The following TSPAN8 variants were observed in gnomAD, a reference collection of about 807,000 sequenced individuals.
TSPAN8 encodes the protein tetraspanin 8, also known as tetraspanin-8.
TSPAN8 carries 21 observed loss-of-function variants against 32.8 expected under a neutral mutation model. The observed-to-expected ratio is 0.64, with a 90% CI of 0.45 to 0.92. TSPAN8 has a LOEUF of 0.92. Ranked by LOEUF, TSPAN8 falls within the 40% of genes least tolerant of loss-of-function variation. TSPAN8 has a pLI of 0.00. For synonymous variants in TSPAN8, 95 were observed against 94.6 expected (o/e 1.00, Z -0.03); for missense variants, 269 against 281.9 (o/e 0.95, Z 0.33).
chr12:71,137,332 C>T (rs1871732763), intron 6 of TSPAN8, among the ~76,000 whole-genome samples: 1 of 152,066 alleles, frequency 6.6e-6, no homozygotes, highest in Non-Finnish European at 1.5e-5. Context: ...TGTGCGGTGG[C>T]TCACCTCTGT....
intron 2 of TSPAN8, among the ~76,000 whole-genome samples, chr12:71,151,542 C>A (rs537872676): frequency 9.2e-5 from 14 of 152,290 alleles, no homozygotes; most frequent in African/African-American, 3.4e-4. Context: ...GGCATTTAAT[C>A]TGTATCCTGA....
intron 7 of TSPAN8, among the ~76,000 whole-genome samples, chr12:71,131,153 C>T (rs1254277184): frequency 1.3e-5 from 2 of 152,114 alleles, no homozygotes; most frequent in Non-Finnish European, 2.9e-5. Flanking sequence ...TAAGTGGAAA[C>T]TATTTTTATT....
At chr12:71,130,084 C>T (rs1267601435) in intron 7 of TSPAN8, among the ~76,000 whole-genome samples, 2 of 151,720 alleles carry the variant, frequency 1.3e-5, no homozygotes, top group Admixed American at 1.3e-4. Flanking sequence ...TCCCAAGTAG[C>T]TGAGACTGCA....
chr12:71,157,572 G>A (rs1187194005), intron 2 of TSPAN8, 47 bp downstream of exon 2: 9 of 1,290,268 alleles, frequency 7.0e-6, no homozygotes, highest in Non-Finnish European at 1.0e-5. Flanking sequence ...TTTATATCAA[G>A]ATCCCCTTTC....
In TSPAN8 at chr12:71,144,164, T is replaced by C. The variant is rs764865860; in HGVS notation, c.110A>G (p.Asn37Ser). Residue 37 changes from asparagine (N) to serine (S), a missense_variant, in exon 3 of 9, where the codon AAT becomes AGT. Coordinates refer to ENST00000247829, the MANE Select transcript of TSPAN8 (RefSeq NM_004616.3). ...LALAIWVRVS[N>S]DSQAIFGSED... ...TTGCATACTTACTGCTTGAGAGTCA[T>C]TGCTTACTCGTACCCATATTGCTAA... The C allele has an allele frequency of 6.8e-6, 11 of 1,611,898 alleles. No individual in the cohort carries two copies. In the African/African-American group the frequency reaches 1.2e-4, roughly 18 times the overall value.
At position 71,125,274 on chromosome 12, in the gene TSPAN8, C is replaced by T; in HGVS notation, c.*60G>A. ...TATAGCACTTACATATTTAAATTTA[C>T]AAAGCCAAAGCAACATTTTAAAGGG... On this transcript the variant is annotated 3_prime_UTR_variant, in exon 9 of 9. Transcript: ENST00000247829. 1 of 1,496,030 alleles carries T rather than the reference C, an allele frequency of 6.7e-7. No homozygotes were observed. Among genetic ancestry groups the T allele is most frequent in the Non-Finnish European group, 9.1e-7 (1 of 1,093,858 alleles). The allele number at this position is 1,496,030 out of a possible 1,614,324, so 92.7% of individuals were successfully genotyped here. A position where few individuals can be genotyped will look rare whatever the true frequency, so the allele number is the denominator to read the frequency against.
intron 6 of TSPAN8, among the ~76,000 whole-genome samples, chr12:71,135,237 G>A (rs567781490): frequency 0.049 from 3,347 of 67,948 alleles, 156 homozygotes; most frequent in East Asian, 0.4. Context: ...AGAAGGAGGA[G>A]GAGGAGGAGG....
At chr12:71,134,045 T>TAAATAATAA (rs1486131288) in intron 6 of TSPAN8, among the ~76,000 whole-genome samples, 18 of 152,220 alleles carry the variant, frequency 1.2e-4, no homozygotes, top group Non-Finnish European at 2.5e-4. Context: ...ATAATAAATG[T>TAAATAATAA]GTAATAAAAT....
At chr12:71,130,174 G>C (rs1327834033) in intron 7 of TSPAN8, among the ~76,000 whole-genome samples, 1 of 151,956 alleles carries the variant, frequency 6.6e-6, no homozygotes, top group Non-Finnish European at 1.5e-5. Context: ...GGCTTGTCTT[G>C]AACTCCCGGG....
intron 2 of TSPAN8, among the ~76,000 whole-genome samples, chr12:71,147,213 G>T (rs1351034204): frequency 6.6e-6 from 1 of 152,176 alleles, no homozygotes; most frequent in Non-Finnish European, 1.5e-5. Flanking sequence ...GGAAAAAAAA[G>T]GGGGCGGGGG....
chr12:71,125,346 G>C lies in TSPAN8; in HGVS notation c.702C>G (p.Ile234Met). The change falls in exon 9 of 9, where the codon ATC becomes ATG. Residue 234 changes from isoleucine to methionine, a missense_variant. Coordinates refer to ENST00000247829, the MANE Select transcript of TSPAN8 (RefSeq NM_004616.3). ...LVFSMVLYCQ[I>M]GNK ...TGCATCCACAGATTCATTTGTTCCC[G>C]ATCTGGCAATACAGGACCATAGAAA... 6.2e-7 allele frequency: 1 copy of C among 1,612,286 alleles called. No homozygotes were observed. The highest frequency in any genetic ancestry group is 8.5e-7 in the Non-Finnish European group (1 of 1,179,272).
At chr12:71,130,776 G>A (rs541921390) in intron 7 of TSPAN8, among the ~76,000 whole-genome samples, 3 of 152,244 alleles carry the variant, frequency 2.0e-5, no homozygotes, top group South Asian at 2.1e-4. Context: ...CATTCATTAT[G>A]TTTCAGGGGT....
chr12:71,150,470 T>C lies in TSPAN8; in HGVS notation c.61-6257A>G, dbSNP rs558559683. ...CCCTTTTGAAATCCTTAATAAAACT[T>C]GCTGGCTTTATGGCTCAGGTGGGCA... On this transcript the variant is annotated intron_variant, in intron 2 of 8. Coordinates refer to ENST00000247829, the MANE Select transcript of TSPAN8 (RefSeq NM_004616.3). Among the ~76,000 whole-genome samples the C allele has an allele frequency of 5.9e-5, 9 of 152,100 alleles. No homozygotes were observed. The South Asian group carries it at 1.0e-3, about 18-fold the overall frequency.
intron 4 of TSPAN8, chr12:71,139,391 A>T (rs1871820936): frequency 2.1e-6 from 1 of 487,782 alleles, no homozygotes; most frequent in Non-Finnish European, 3.7e-6. Flanking sequence ...TTACTTATTA[A>T]CCTTCCCTAG....
rs1297958447 is a variant in TSPAN8, at chr12:71,134,821, A to G, written c.445-1997T>C. Among the ~76,000 whole-genome samples the G allele has an allele frequency of 2.6e-5, 4 of 152,220 alleles. No homozygotes were observed. In the East Asian group the frequency reaches 7.7e-4, roughly 29 times the overall value. ...AAGTCATACTCATAGATGAGAGGGT[A>G]GAAGTTAGGAAGGTTAAAACTTGTC... On this transcript the variant is annotated intron_variant, in intron 6 of 8. Coordinates refer to ENST00000247829, the MANE Select transcript of TSPAN8 (RefSeq NM_004616.3).
intron 6 of TSPAN8, 27 bp from the exon 7 acceptor site, chr12:71,132,851 G>A (rs768769333): frequency 3.0e-5 from 49 of 1,612,696 alleles, no homozygotes; most frequent in Non-Finnish European, 4.2e-5. Flanking sequence ...AGAATGAGAA[G>A]CAGTCAGTAA....
chr12:71,144,196 G>A lies in TSPAN8; in HGVS notation c.78C>T (p.Ile26=). Residue 26 remains isoleucine, a synonymous_variant, in exon 3 of 9, where the codon ATC becomes ATT. Coordinates refer to ENST00000247829, the MANE Select transcript of TSPAN8 (RefSeq NM_004616.3). ...NFLFWLCGIL[I]LALAIWVRVS... ...CTCGTACCCATATTGCTAATGCTAG[G>A]ATCAAGATACCACATAGCTGCAGAA... 2 of 1,610,958 alleles carry A rather than the reference G, an allele frequency of 1.2e-6. No homozygotes were observed.
chr12:71,154,354 A>ATCATC (rs1565790662), intron 2 of TSPAN8, among the ~76,000 whole-genome samples: 16 of 145,350 alleles, frequency 1.1e-4, no homozygotes, highest in African/African-American at 4.1e-4. Context: ...TAATAATAAT[A>ATCATC]ATCAGAGCTC....
chr12:71,137,812 T>A, intron 6 of TSPAN8, 141 bp downstream of exon 6: 4 of 697,360 alleles, frequency 5.7e-6, no homozygotes, highest in Non-Finnish European at 6.9e-6. Flanking sequence ...CTTAGATTTT[T>A]CTTATTGCAT....
Sources: gnomAD v4.1 joint callset for allele counts (sites outside exome capture counted in the v4.1 genomes callset) on GRCh38, gnomAD v4.1.1 for gene constraint, MANE v1.5 for transcripts, NCBI Gene and HGNC (gene_info 2026-07-23, HGNC 2026-07-21) for gene names.